SYN2: variants seen among roughly 807,000 people sequenced by gnomAD.
The protein encoded by SYN2 is synapsin-2.
Under a neutral mutation model 50.9 loss-of-function variants are expected in SYN2, and 19 were observed. The ratio of observed to expected loss-of-function variants is 0.37; its 90% confidence interval spans 0.26 to 0.55. The LOEUF is 0.55. Among genes scored for constraint, SYN2 ranks in the 20% least tolerant of loss-of-function variants. The probability of loss-of-function intolerance (pLI) is 0.81; values close to 1 mark genes in which losing one functional copy is unlikely to be tolerated. For synonymous variants in SYN2, 255 were observed against 224.9 expected, an observed-to-expected ratio of 1.13 and a Z score of -1.20; for missense variants, 587 against 576.4, an observed-to-expected ratio of 1.02 and a Z score of -0.19.
chr3:12,174,507 A>G (rs1698015030), intron 10 of SYN2, among the ~76,000 whole-genome samples: 1 of 152,104 alleles, frequency 6.6e-6, no homozygotes, highest in Admixed American at 6.5e-5. Context: ...TTTTTGAGAC[A>G]GAGTCTTGCT....
intron 11 of SYN2, chr3:12,185,822 C>T (rs777838543): frequency 1.5e-4 from 139 of 947,634 alleles, no homozygotes; most frequent in East Asian, 1.2e-4. Context: ...AGCTATTAAC[C>T]TGTATTACCT....
intron 1 of SYN2, among the ~76,000 whole-genome samples, chr3:12,072,960 C>G (rs1429833019): frequency 1.3e-5 from 2 of 152,022 alleles, no homozygotes; most frequent in Admixed American, 6.6e-5. Flanking sequence ...TAAGTAGAGC[C>G]TACCAGCTGT....
chr3:12,087,420 A>G (rs943769653), intron 1 of SYN2, among the ~76,000 whole-genome samples: 12 of 152,196 alleles, frequency 7.9e-5, no homozygotes, highest in African/African-American at 2.9e-4. Flanking sequence ...CTGAGCAAGA[A>G]GAACAAAACT....
At chr3:12,170,354 A>G (rs552704686) in intron 10 of SYN2, among the ~76,000 whole-genome samples, 9 of 152,328 alleles carry the variant, frequency 5.9e-5, no homozygotes, top group African/African-American at 1.4e-4. Flanking sequence ...TGGTCTGGAA[A>G]GGGGAGAGTC....
intron 11 of SYN2, chr3:12,184,031 T>C: frequency 2.0e-6 from 2 of 986,256 alleles, no homozygotes; most frequent in African/African-American, 3.5e-5. Flanking sequence ...CATCCACCTT[T>C]TTCTCCATTT....
intron 1 of SYN2, among the ~76,000 whole-genome samples, chr3:12,077,089 A>G (rs1437311411): frequency 2.0e-5 from 3 of 152,056 alleles, no homozygotes; most frequent in African/African-American, 7.2e-5. Context: ...CAGGTTTGCG[A>G]TGGGGCAATC....
At chr3:12,097,564 C>T (rs1306072448) in intron 1 of SYN2, among the ~76,000 whole-genome samples, 1 of 151,400 alleles carries the variant, frequency 6.6e-6, no homozygotes, top group Non-Finnish European at 1.5e-5. Flanking sequence ...CAAGATCACA[C>T]CACTGCACTC....
At chr3:12,183,984 A>G (rs1698285219) in intron 11 of SYN2, 14 of 986,172 alleles carry the variant, frequency 1.4e-5, no homozygotes, top group Non-Finnish European at 1.6e-5. Flanking sequence ...GATTTTCAAG[A>G]TCAAACTTCC....
chr3:12,015,980 A>G (rs746945453), intron 1 of SYN2, among the ~76,000 whole-genome samples: 2 of 152,192 alleles, frequency 1.3e-5, no homozygotes, highest in Non-Finnish European at 2.9e-5. Flanking sequence ...TTAATCCTGT[A>G]CAAAGAGGCT....
At chr3:12,153,817 C>T in intron 5 of SYN2, 3 of 1,248,642 alleles carry the variant, frequency 2.4e-6, no homozygotes, top group Middle Eastern at 2.0e-4. Flanking sequence ...CAAATGCCCC[C>T]TATCTTATCA....
At chr3:12,037,194 C>T (rs1008819722) in intron 1 of SYN2, among the ~76,000 whole-genome samples, 3 of 152,176 alleles carry the variant, frequency 2.0e-5, no homozygotes, top group Non-Finnish European at 4.4e-5. Flanking sequence ...TAGGCTCTTC[C>T]TACAGCTCTC....
Position 12,040,593 on chromosome 3 carries a change from C to T in SYN2, c.377+35665C>T, listed in dbSNP as rs541646313. Among the ~76,000 whole-genome samples the T allele has an allele frequency of 4.3e-4, 65 of 151,892 alleles. 1 individual carries two copies. The East Asian group carries it at 5.6e-3, about 13-fold the overall frequency. ...GACTACAGACGCCCGCCACCACACC[C>T]GGCTAATTTTTTGTATTTTTAGTAG... On this transcript the variant is annotated intron_variant, in intron 1 of 12. Coordinates refer to ENST00000621198, the MANE Select transcript of SYN2 (RefSeq NM_133625.6).
intron 8 of SYN2, among the ~76,000 whole-genome samples, chr3:12,168,070 C>T (rs1249041676): frequency 6.6e-6 from 1 of 152,048 alleles, no homozygotes; most frequent in Non-Finnish European, 1.5e-5. Context: ...TTCTAACAGC[C>T]TATGGGAAAA....
At chr3:12,156,971 A>G in intron 5 of SYN2, 1 of 1,467,108 alleles carries the variant, frequency 6.8e-7, no homozygotes, top group Non-Finnish European at 9.6e-7. Context: ...ATATTGGGTC[A>G]GTGAGTGTAC....
At chr3:12,131,078 A>G (rs1322704816) in intron 1 of SYN2, among the ~76,000 whole-genome samples, 7 of 152,196 alleles carry the variant, frequency 4.6e-5, no homozygotes, top group Non-Finnish European at 7.3e-5. Context: ...TTCACTGTAC[A>G]AGGACATCTA....
At chr3:12,049,513 C>T (rs1225650374) in intron 1 of SYN2, among the ~76,000 whole-genome samples, 7 of 56,522 alleles carry the variant, frequency 1.2e-4, no homozygotes, top group South Asian at 1.4e-3. Context: ...AGTGAGACTC[C>T]GTCTCAAAAA....
At chr3:12,112,074 T>C (rs1696329229) in intron 1 of SYN2, among the ~76,000 whole-genome samples, 1 of 152,154 alleles carries the variant, frequency 6.6e-6, no homozygotes, top group African/African-American at 2.4e-5. Flanking sequence ...GAATCTCTGC[T>C]AAGAGGGGGA....
At chr3:12,087,342 A>T (rs974252147) in intron 1 of SYN2, among the ~76,000 whole-genome samples, 1 of 152,194 alleles carries the variant, frequency 6.6e-6, no homozygotes, top group Admixed American at 6.5e-5. Context: ...GTCATTTTTC[A>T]TAGAAATAGC....
Position 12,004,457 on chromosome 3 carries a change from G to T in SYN2, c.-95G>T. On this transcript the variant is annotated 5_prime_UTR_variant, in exon 1 of 13. Transcript: ENST00000621198. ...CTCTGCTGGCTAAGCCGCCGCCTCA[G>T]CCGCCTCAGTCGCCTCAATCTCGCC... The T allele has an allele frequency of 3.2e-6, 1 of 314,610 alleles. No homozygotes were observed. The allele number at this position is 314,610 out of a possible 1,614,324, so 19.5% of individuals were successfully genotyped here.
Sources: allele counts gnomAD v4.1 joint callset (sites outside exome capture counted in the v4.1 genomes callset), GRCh38; gene constraint gnomAD v4.1.1; transcripts MANE v1.5; gene names NCBI Gene and HGNC (gene_info 2026-07-23, HGNC 2026-07-21).